The following DENND2A variants were observed in gnomAD, a reference collection of about 807,000 sequenced individuals.
DENND2A encodes the protein DENN domain containing 2A.
DENND2A carries 53 observed loss-of-function variants against 105.3 expected under a neutral mutation model. The ratio of observed to expected loss-of-function variants is 0.50; its 90% CI spans 0.40 to 0.63. DENND2A has a LOEUF of 0.63. Ranked by LOEUF, DENND2A falls within the 30% of genes least tolerant of loss-of-function variation. The pLI, the probability that DENND2A is intolerant of heterozygous loss-of-function variation, is 0.00. For synonymous variants in DENND2A, 522 were observed against 508.4 expected, an observed-to-expected ratio of 1.03 and a Z score of -0.36; for missense variants, 1,138 against 1,279.6, an observed-to-expected ratio of 0.89 and a Z score of 1.69.
chr7:140,540,515 G>A (rs1344041445), intron 14 of DENND2A, among the ~76,000 whole-genome samples: 1 of 152,214 alleles, frequency 6.6e-6, no homozygotes, highest in Non-Finnish European at 1.5e-5. Flanking sequence ...GGTGGCTGGG[G>A]AACAGCCAAG....
chr7:140,636,110 G>C (rs546624743), intron 1 of DENND2A, among the ~76,000 whole-genome samples: 11 of 152,228 alleles, frequency 7.2e-5, no homozygotes, highest in African/African-American at 2.6e-4. Context: ...TGATTCAGGT[G>C]GCAGAAGAAG....
chr7:140,554,597 C>G (rs543012342), intron 12 of DENND2A, among the ~76,000 whole-genome samples: 35 of 152,294 alleles, frequency 2.3e-4, no homozygotes, highest in African/African-American at 7.5e-4. Flanking sequence ...GATCGCACCA[C>G]TACACTCCGG....
chr7:140,565,058 C>T (rs1349620743), intron 9 of DENND2A, among the ~76,000 whole-genome samples: 1 of 152,168 alleles, frequency 6.6e-6, no homozygotes, highest in East Asian at 1.9e-4. Flanking sequence ...CTTCAATCTA[C>T]ATAATTGCTA....
intron 2 of DENND2A, among the ~76,000 whole-genome samples, chr7:140,604,053 C>A (rs1156710756): frequency 6.6e-6 from 1 of 152,216 alleles, no homozygotes; most frequent in Non-Finnish European, 1.5e-5. Flanking sequence ...CATTATTCCA[C>A]CAGCAAAGGT....
At chr7:140,617,002 C>T (rs143153206) in intron 1 of DENND2A, among the ~76,000 whole-genome samples, 144 of 152,294 alleles carry the variant, frequency 9.5e-4, no homozygotes, top group Non-Finnish European at 1.5e-3. Context: ...GGACTCCTGG[C>T]GTGTGCCACC....
At chr7:140,561,533 TATGTCGCCC>T (rs1023878049) in intron 9 of DENND2A, among the ~76,000 whole-genome samples, 9 of 145,280 alleles carry the variant, frequency 6.2e-5, no homozygotes, top group African/African-American at 2.1e-4. Flanking sequence ...ACAGTCTCAC[TATGTCGCCC>T]AGGCTGGAGT....
chr7:140,551,701 T>C (rs1436956913), intron 12 of DENND2A, among the ~76,000 whole-genome samples: 2 of 152,232 alleles, frequency 1.3e-5, no homozygotes, highest in Middle Eastern at 3.2e-3. Context: ...AATTGTTAAC[T>C]GATACCCTTT....
At chr7:140,641,002 C>T (rs1022083413), upstream of DENND2A, among the ~76,000 whole-genome samples, 3 of 148,980 alleles carry the variant, frequency 2.0e-5, no homozygotes, top group African/African-American at 7.4e-5. Flanking sequence ...GGTGGCTTAA[C>T]CCTTCCTGGG....
intron 1 of DENND2A, among the ~76,000 whole-genome samples, chr7:140,622,547 C>G (rs1800333666): frequency 6.6e-6 from 1 of 152,156 alleles, no homozygotes; most frequent in Non-Finnish European, 1.5e-5. Context: ...GGAGGCTCAG[C>G]TTAAATGAGT....
At chr7:140,627,312 A>G (rs1054854515) in intron 1 of DENND2A, among the ~76,000 whole-genome samples, 1 of 152,106 alleles carries the variant, frequency 6.6e-6, no homozygotes, top group Non-Finnish European at 1.5e-5. Flanking sequence ...CCAGAGTTCA[A>G]GCAATTCTTG....
At chr7:140,572,519 T>C (rs1449064486) in intron 6 of DENND2A, among the ~76,000 whole-genome samples, 1 of 151,568 alleles carries the variant, frequency 6.6e-6, no homozygotes, top group Non-Finnish European at 1.5e-5. Context: ...TCCCAGCACT[T>C]TGGGAGGCTG....
intron 1 of DENND2A, among the ~76,000 whole-genome samples, chr7:140,608,270 T>C (rs1018605925): frequency 1.4e-4 from 22 of 152,170 alleles, no homozygotes; most frequent in East Asian, 3.8e-4. Flanking sequence ...TGAGGGGGCA[T>C]AGAACCCCCC....
chr7:140,597,484 T>C (rs1270408896), intron 3 of DENND2A, among the ~76,000 whole-genome samples: 4 of 152,208 alleles, frequency 2.6e-5, no homozygotes, highest in Admixed American at 6.5e-5. Flanking sequence ...ACCTCCATTG[T>C]ACTATTTTAA....
intron 18 of DENND2A, among the ~76,000 whole-genome samples, chr7:140,520,347 G>A (rs74785633): frequency 0.038 from 5,809 of 151,970 alleles, 349 homozygotes; most frequent in African/African-American, 0.13. Flanking sequence ...TCCTGGCTTG[G>A]GAGGGGTGTC....
intron 2 of DENND2A, among the ~76,000 whole-genome samples, chr7:140,605,490 C>T (rs1799656871): frequency 6.6e-6 from 1 of 150,630 alleles, no homozygotes; most frequent in Admixed American, 6.6e-5. Flanking sequence ...AGGGATCATC[C>T]TCTCCTCACA....
At chr7:140,586,555 CAAAAAAT>C (rs990330808) in intron 4 of DENND2A, among the ~76,000 whole-genome samples, 7 of 151,130 alleles carry the variant, frequency 4.6e-5, no homozygotes, top group Admixed American at 2.0e-4. Flanking sequence ...ACTCCTGTCT[CAAAAAAT>C]AAAAAATAAA....
chr7:140,605,517 C>T (rs1349569702), intron 2 of DENND2A, among the ~76,000 whole-genome samples, 188 bp downstream of exon 2: 1 of 144,922 alleles, frequency 6.9e-6, no homozygotes, highest in African/African-American at 2.9e-5. Flanking sequence ...ATTAGTCAGA[C>T]TCTCTCGATC....
rs529541035 is a variant in DENND2A at position 140,610,845 on chromosome 7, C to G, written c.-247-5039G>C. Among the ~76,000 whole-genome samples, 66 of 152,144 alleles carry G rather than the reference C, an allele frequency of 4.3e-4. 1 individual carries two copies. Among genetic ancestry groups the G allele is most frequent in the Non-Finnish European group, 8.1e-4 (55 of 68,024 alleles). ...GAGCGGAGCCCTCAGGAGGACCCGG[C>G]AGCTCCTTTAGAATCCTGCTGGGCC... On this transcript the variant is annotated intron_variant, in intron 1 of 19. Transcript: ENST00000496613.
chr7:140,555,541 A>T (rs779569380), intron 12 of DENND2A, 95 bp downstream of exon 12: 11 of 1,030,434 alleles, frequency 1.1e-5, no homozygotes, highest in African/African-American at 1.6e-5. Context: ...AGAGAATAAG[A>T]TGATAGAAGG....
Sources: allele counts gnomAD v4.1 joint callset (sites outside exome capture counted in the v4.1 genomes callset), GRCh38; gene constraint gnomAD v4.1.1; transcripts MANE v1.5; gene names NCBI Gene and HGNC (gene_info 2026-07-23, HGNC 2026-07-21).